Variants in ALK observed in about 807,000 individuals in gnomAD.
ALK encodes ALK tyrosine kinase receptor.
In ALK, 74 loss-of-function variants were observed where a neutral mutation model predicts 163.1. That is an observed-to-expected ratio of 0.45 (90% confidence interval 0.38 to 0.55). ALK has a LOEUF of 0.55. Among genes scored for constraint, ALK ranks in the 20% least tolerant of loss-of-function variants. The pLI, the probability that ALK is intolerant of heterozygous loss-of-function variation, is 0.00. For synonymous variants in ALK, 960 were observed against 843.2 expected (o/e 1.14, Z -2.40); for missense variants, 2,063 against 2,105.3 (o/e 0.98, Z 0.39).
intron 1 of ALK, among the ~76,000 whole-genome samples, chr2:29,906,641 T>C (rs539418670): frequency 1.3e-5 from 2 of 152,280 alleles, no homozygotes; most frequent in African/African-American, 4.8e-5. Flanking sequence ...AAATACCAGA[T>C]CCTTCACTTA....
chr2:29,535,079 T>G (rs954174549), intron 3 of ALK, among the ~76,000 whole-genome samples: 1 of 152,198 alleles, frequency 6.6e-6, no homozygotes. Context: ...CAGTAAGAAT[T>G]TATCTCTCCT....
rs548665439 is a variant in ALK, at chr2:29,698,666, T to C, written c.788-3652A>G. ...CAATATACAATCCCAGCACCGAGCA[T>C]ATTAATTCTTGGATCTTTGAACTCT... On this transcript the variant is annotated intron_variant, in intron 2 of 28. Transcript: ENST00000389048. Among the ~76,000 whole-genome samples the C allele has an allele frequency of 8.7e-4, 132 of 152,308 alleles. No individual in the cohort carries two copies. In the Middle Eastern group the frequency reaches 0.028, roughly 32 times the overall value.
chr2:29,207,544 A>T (rs1256994316), intron 25 of ALK, among the ~76,000 whole-genome samples: 1 of 152,242 alleles, frequency 6.6e-6, no homozygotes, highest in Non-Finnish European at 1.5e-5. Flanking sequence ...GCAGATGTTT[A>T]GCTTTCTCTG....
chr2:29,493,535 T>G (rs1671953695), intron 4 of ALK, among the ~76,000 whole-genome samples: 1 of 152,234 alleles, frequency 6.6e-6, no homozygotes, highest in Non-Finnish European at 1.5e-5. Flanking sequence ...CTAGCCTTCC[T>G]GTTTTCTCTT....
At chr2:29,540,580 GTTT>G (rs369817314) in intron 3 of ALK, among the ~76,000 whole-genome samples, 3 of 74,576 alleles carry the variant, frequency 4.0e-5, no homozygotes, top group African/African-American at 1.1e-4. Context: ...GAAGAATTAT[GTTT>G]TTTTTTTTTA....
At chr2:29,455,862 G>C (rs1249688308) in intron 4 of ALK, among the ~76,000 whole-genome samples, 2 of 152,114 alleles carry the variant, frequency 1.3e-5, no homozygotes, top group Admixed American at 6.5e-5. Flanking sequence ...ACACAACCAG[G>C]CTCTTCTCTT....
chr2:29,507,529 T>C (rs1346194077), intron 4 of ALK, among the ~76,000 whole-genome samples: 1 of 152,164 alleles, frequency 6.6e-6, no homozygotes, highest in Non-Finnish European at 1.5e-5. Context: ...AGATGGTAAA[T>C]TTTATGTGCA....
rs2148443189 is a variant in ALK at position 29,920,189 on chromosome 2, G to A, written c.471C>T (p.Pro157=). 1 of 1,613,502 alleles carries A rather than the reference G, an allele frequency of 6.2e-7. No homozygotes were observed. The highest frequency in any genetic ancestry group is 1.1e-5 in the South Asian group (1 of 91,082). ...GCAGCCCCACAGCCGCCTCCCCGGG[G>A]GGCCCGACGCAACCCTCCAAGATCG... ...EEAILEGCVG[P]PGEAAVGLLQ... The change falls in exon 1 of 29, where the codon CCC becomes CCT. Residue 157 remains proline, a synonymous_variant. Coordinates refer to ENST00000389048, the MANE Select transcript of ALK (RefSeq NM_004304.5).
chr2:29,476,952 A>G (rs1486203903), intron 4 of ALK, among the ~76,000 whole-genome samples: 2 of 152,184 alleles, frequency 1.3e-5, no homozygotes, highest in African/African-American at 4.8e-5. Context: ...GGAGATCACC[A>G]TGCACCTCGC....
At chr2:29,780,121 G>A (rs554108168) in intron 1 of ALK, among the ~76,000 whole-genome samples, 2 of 152,236 alleles carry the variant, frequency 1.3e-5, no homozygotes, top group African/African-American at 2.4e-5. Context: ...ATTATCAATC[G>A]ACCTGCAGTC....
At chr2:29,676,209 C>T (rs766407063) in intron 3 of ALK, among the ~76,000 whole-genome samples, 8 of 151,952 alleles carry the variant, frequency 5.3e-5, no homozygotes, top group Non-Finnish European at 1.0e-4. Context: ...TTTGATGAAG[C>T]ACAATTTATC....
chr2:29,275,361 G>A lies in ALK; in HGVS notation c.1912+41C>T, dbSNP rs1665508291. ...AGGGGACAATGAGGCCATGGGCCAT[G>A]GGGGTTGGGGGACAGAGTGCTGGGG... On this transcript the variant is annotated intron_variant, in intron 10 of 28. Coordinates refer to ENST00000389048, the MANE Select transcript of ALK (RefSeq NM_004304.5). 3 of 1,610,672 alleles carry A rather than the reference G, an allele frequency of 1.9e-6. No individual in the cohort carries two copies. The East Asian group carries it at 6.7e-5, about 36-fold the overall frequency.
intron 3 of ALK, among the ~76,000 whole-genome samples, chr2:29,672,344 A>C (rs1677726237): frequency 1.4e-5 from 2 of 142,812 alleles, no homozygotes; most frequent in African/African-American, 2.6e-5. Context: ...ACCCCACAAC[A>C]GTCCCCAGAG....
chr2:29,315,487 G>A (rs984845921), intron 8 of ALK, among the ~76,000 whole-genome samples: 11 of 152,108 alleles, frequency 7.2e-5, no homozygotes, highest in Non-Finnish European at 1.2e-4. Context: ...CAGACAGGAG[G>A]AAAACTCTCT....
chr2:29,506,020 T>A (rs1197370826), intron 4 of ALK, among the ~76,000 whole-genome samples: 1 of 152,178 alleles, frequency 6.6e-6, no homozygotes, highest in East Asian at 1.9e-4. Flanking sequence ...CCAGTTTTTT[T>A]CTGAGAGGCA....
chr2:29,525,180 C>G (rs1462049774), intron 4 of ALK, among the ~76,000 whole-genome samples: 4 of 152,204 alleles, frequency 2.6e-5, no homozygotes, highest in Non-Finnish European at 5.9e-5. Flanking sequence ...GCTACCTCAG[C>G]TCAGGGACTA....
At chr2:29,909,786 C>T (rs1405622986) in intron 1 of ALK, among the ~76,000 whole-genome samples, 3 of 152,084 alleles carry the variant, frequency 2.0e-5, no homozygotes, top group Non-Finnish European at 4.4e-5. Flanking sequence ...AAAGGCCAAA[C>T]CTTAAGAGGA....
At chr2:29,220,866 TAACTG>T (rs747132077) in intron 22 of ALK, 31 bp from the exon 23 acceptor site, 1 of 1,613,382 alleles carries the variant, frequency 6.2e-7, no homozygotes, top group Non-Finnish European at 8.5e-7. Context: ...TAACCAAAAT[TAACTG>T]AGCTGAGTCT....
chr2:29,476,764 G>A (rs543954824), intron 4 of ALK, among the ~76,000 whole-genome samples: 7 of 152,306 alleles, frequency 4.6e-5, no homozygotes, highest in East Asian at 1.9e-4. Context: ...CAGATTAGGT[G>A]TGTAAAAGAG....
Sources: allele counts gnomAD v4.1 joint callset (sites outside exome capture counted in the v4.1 genomes callset), GRCh38; gene constraint gnomAD v4.1.1; transcripts MANE v1.5; gene names NCBI Gene and HGNC (gene_info 2026-07-23, HGNC 2026-07-21).